Variants in LPP observed in about 807,000 individuals in gnomAD.
LPP encodes the protein lipoma-preferred partner.
Under a neutral mutation model 60.4 loss-of-function variants are expected in LPP, and 38 were observed. The ratio of observed to expected loss-of-function variants is 0.63; its 90% confidence interval spans 0.49 to 0.83. LPP has a LOEUF of 0.83. Among genes scored for constraint, LPP ranks in the 40% least tolerant of loss-of-function variants. The probability of loss-of-function intolerance (pLI) is 0.00; values close to 1 mark genes in which losing one functional copy is unlikely to be tolerated. For synonymous variants in LPP, 328 were observed against 290.8 expected (o/e 1.13, Z -1.30); for missense variants, 902 against 783.6 (o/e 1.15, Z -1.80).
At chr3:188,450,984 G>A (rs7609801) in intron 4 of LPP, among the ~76,000 whole-genome samples, 52,757 of 151,758 alleles carry the variant, frequency 0.35, 10,421 homozygotes, top group African/African-American at 0.53. Flanking sequence ...ATTTGTGGCT[G>A]TGGGGAGGGT....
chr3:188,287,766 T>A (rs913801956), intron 2 of LPP, among the ~76,000 whole-genome samples: 1 of 152,202 alleles, frequency 6.6e-6, no homozygotes, highest in African/African-American at 2.4e-5. Flanking sequence ...TTAGAGCACA[T>A]AGAGGCCTAG....
chr3:188,497,207 T>G (rs1810491992), intron 5 of LPP, among the ~76,000 whole-genome samples: 2 of 152,136 alleles, frequency 1.3e-5, no homozygotes, highest in Admixed American at 6.5e-5. Context: ...CTACAGCCAC[T>G]TCCTCTCTGA....
chr3:188,771,563 A>AAAGAAAG (rs1553842318), intron 9 of LPP, among the ~76,000 whole-genome samples: 1 of 95,174 alleles, frequency 1.1e-5, no homozygotes, highest in Non-Finnish European at 1.9e-5. Context: ...AAAAAAAAAA[A>AAAGAAAG]AAAGAAAGAA....
intron 2 of LPP, among the ~76,000 whole-genome samples, chr3:188,270,001 C>A (rs1353559966): frequency 6.8e-6 from 1 of 147,186 alleles, no homozygotes; most frequent in Non-Finnish European, 1.5e-5. Context: ...CTTATCGTTT[C>A]TTTTCTTTTC....
rs1553929591 is a variant in LPP at position 188,563,474 on chromosome 3, G to GTGTGTGTT, written c.429+38694_429+38695insTTGTGTGT. The stretch of plus-strand genomic sequence containing the variant: ...TTTACATATATATGTGTGTGTGTGT[G>GTGTGTGTT]TGTGTGTGTGTGGTATATTATCTAT... On this transcript the variant is annotated intron_variant, in intron 6 of 11. Coordinates refer to ENST00000617246, the MANE Select transcript of LPP (RefSeq NM_001375462.1). Among the ~76,000 whole-genome samples the GTGTGTGTT allele has an allele frequency of 4.6e-3, 690 of 149,126 alleles. 6 individuals are homozygous for GTGTGTGTT. The highest frequency in any genetic ancestry group is 9.5e-3 in the African/African-American group (386 of 40,646).
chr3:188,378,128 C>T (rs1229040910), intron 3 of LPP, among the ~76,000 whole-genome samples: 1 of 152,232 alleles, frequency 6.6e-6, no homozygotes, highest in East Asian at 1.9e-4. Context: ...TGGGGGGTGC[C>T]TCCCAGTTAG....
intron 3 of LPP, among the ~76,000 whole-genome samples, chr3:188,395,565 G>A (rs1284172880): frequency 2.0e-5 from 3 of 152,040 alleles, no homozygotes; most frequent in African/African-American, 7.3e-5. Flanking sequence ...AAGATGATAT[G>A]TAATTAGAGA....
intron 7 of LPP, among the ~76,000 whole-genome samples, chr3:188,662,694 C>T (rs1854854232): frequency 1.3e-5 from 2 of 152,228 alleles, no homozygotes; most frequent in South Asian, 2.1e-4. Flanking sequence ...TCTCCATCCC[C>T]TTGCAAAGCA....
At chr3:188,195,085 CTCG>C (rs965771984) in intron 1 of LPP, among the ~76,000 whole-genome samples, 6 of 152,082 alleles carry the variant, frequency 3.9e-5, no homozygotes, top group Admixed American at 3.9e-4. Flanking sequence ...ATGGTGAAAC[CTCG>C]TCTCTACTAA....
chr3:188,841,328 C>T (rs1002771963), intron 9 of LPP, among the ~76,000 whole-genome samples: 1 of 150,434 alleles, frequency 6.6e-6, no homozygotes. Context: ...ATCCTGACAA[C>T]TTAAGACACT....
intron 8 of LPP, among the ~76,000 whole-genome samples, chr3:188,735,486 A>G (rs1017107446): frequency 2.0e-5 from 3 of 151,954 alleles, no homozygotes; most frequent in Non-Finnish European, 4.4e-5. Flanking sequence ...GGTTCAAGCA[A>G]TTCTCCTGCC....
intron 7 of LPP, chr3:188,688,794 A>C: frequency 1.9e-6 from 1 of 531,762 alleles, no homozygotes; most frequent in Non-Finnish European, 3.9e-6. Context: ...CCTTGCCCTC[A>C]AGGAGCTCAC....
intron 2 of LPP, among the ~76,000 whole-genome samples, chr3:188,280,900 C>G (rs1741754414): frequency 6.7e-6 from 1 of 149,292 alleles, no homozygotes; most frequent in African/African-American, 2.5e-5. Flanking sequence ...CATGTCAGTT[C>G]TATCCTGGGG....
intron 6 of LPP, among the ~76,000 whole-genome samples, chr3:188,576,300 G>A (rs1009303717): frequency 1.3e-5 from 2 of 152,098 alleles, no homozygotes; most frequent in African/African-American, 4.8e-5. Flanking sequence ...GTGGTACCAG[G>A]TTGGAGGAAA....
chr3:188,552,206 G>A (rs1256048411), intron 6 of LPP, among the ~76,000 whole-genome samples: 3 of 152,150 alleles, frequency 2.0e-5, no homozygotes, highest in Admixed American at 6.5e-5. Flanking sequence ...TGATCACATA[G>A]TAGAACTGAA....
At chr3:188,606,470 T>C (rs1447655110) in intron 6 of LPP, among the ~76,000 whole-genome samples, 1 of 152,114 alleles carries the variant, frequency 6.6e-6, no homozygotes, top group Non-Finnish European at 1.5e-5. Context: ...GGTTTTTGTG[T>C]TTTGTTTTGT....
chr3:188,858,718 CAG>C (rs1476126509), intron 9 of LPP, among the ~76,000 whole-genome samples: 1 of 152,120 alleles, frequency 6.6e-6, no homozygotes, highest in Non-Finnish European at 1.5e-5. Flanking sequence ...CAAATACAAA[CAG>C]AAAATTTTAT....
At chr3:188,475,966 G>A (rs1803093895) in intron 4 of LPP, among the ~76,000 whole-genome samples, 1 of 152,052 alleles carries the variant, frequency 6.6e-6, no homozygotes, top group South Asian at 2.1e-4. Flanking sequence ...CCCCGGATAT[G>A]CCAATACTTA....
intron 6 of LPP, among the ~76,000 whole-genome samples, chr3:188,544,519 G>C (rs1560543391): frequency 1.3e-5 from 2 of 150,178 alleles, no homozygotes; most frequent in Non-Finnish European, 3.0e-5. Context: ...ATCATCACTG[G>C]CCATCAGAGA....
Sources: allele counts gnomAD v4.1 joint callset (sites outside exome capture counted in the v4.1 genomes callset), GRCh38; gene constraint gnomAD v4.1.1; transcripts MANE v1.5; gene names NCBI Gene and HGNC (gene_info 2026-07-23, HGNC 2026-07-21).